The following RUSC2 variants were observed in gnomAD, a reference collection of about 807,000 sequenced individuals.
RUSC2 encodes the protein RUN and SH3 domain containing 2, also known as AP-4 complex accessory subunit RUSC2.
A neutral mutation model predicts 122.2 loss-of-function variants in RUSC2; 34 were observed. The observed-to-expected ratio is 0.28, with a 90% CI of 0.21 to 0.37. The LOEUF is 0.37. Among genes scored for constraint, RUSC2 ranks in the 10% least tolerant of loss-of-function variants. RUSC2 has a pLI of 1.00. For missense variants in RUSC2, 1,747 were observed against 1,952.4 expected, an observed-to-expected ratio of 0.89 and a Z score of 1.98; for synonymous variants, 784 against 790.0, an observed-to-expected ratio of 0.99 and a Z score of 0.13.
At position 35,558,341 on chromosome 9, in the gene RUSC2, T is replaced by C. The variant is rs1587870897; in HGVS notation, c.3205T>C (p.Trp1069Arg). Residue 1069 changes from tryptophan to arginine, a missense_variant, in exon 7 of 12, where the codon TGG (tryptophan) becomes CGG (arginine). Trp to Arg is a moderately radical substitution (Grantham distance 101, BLOSUM62 -3). Transcript: ENST00000361226. This position sits in a 1 kb window ranked among gnomAD's most constrained non-coding sequence, Gnocchi z 4.3. ...VIIGQRKNMP[W>R]SVVEASTQLG... is the part of the protein sequence containing the mutation. ...CATCGGGCAGCGTAAGAACATGCCA[T>C]GGAGTGTGGTTGAGGCTTCCACACA... The C allele has an allele frequency of 6.2e-7, 1 of 1,614,092 alleles. No individual in the cohort carries two copies. Among genetic ancestry groups the C allele is most frequent in the Non-Finnish European group, 8.5e-7 (1 of 1,179,988 alleles).
At chr9:35,513,391 TG>T in intron 1 of RUSC2, among the ~76,000 whole-genome samples, 1 of 151,914 alleles carries the variant, frequency 6.6e-6, no homozygotes, top group East Asian at 1.9e-4. Flanking sequence ...TACAGACACG[TG>T]CCACCATGCC....
At chr9:35,516,086 C>G (rs1821101668) in intron 1 of RUSC2, among the ~76,000 whole-genome samples, 1 of 146,310 alleles carries the variant, frequency 6.8e-6, no homozygotes, top group African/African-American at 2.5e-5. Context: ...TAAATAATTG[C>G]TAATAATATT....
intron 1 of RUSC2, among the ~76,000 whole-genome samples, chr9:35,534,839 T>A (rs984633391): frequency 7.2e-5 from 11 of 152,238 alleles, no homozygotes; most frequent in Non-Finnish European, 1.3e-4. Context: ...TAAGTGTTTT[T>A]AAATATATTC....
In RUSC2 at chr9:35,561,674, T is replaced by C. The variant is rs926260171; in HGVS notation, c.*292T>C. On this transcript the variant is annotated 3_prime_UTR_variant, in exon 12 of 12. Transcript: ENST00000361226. ...ATGGGTGAAGACAAGCAAGTCCCCC[T>C]GGAGGCGGGTGGCCCAGAAAGCCAT... 2.8e-5 allele frequency: 15 copies of C among 529,284 alleles called. No individual in the cohort carries two copies. Among genetic ancestry groups the C allele is most frequent in the Non-Finnish European group, 4.0e-5 (12 of 301,108 alleles). The allele number at this position is 529,284 out of a possible 1,614,324, so 32.8% of individuals were successfully genotyped here.
chr9:35,496,735 C>G (rs1361491269), intron 1 of RUSC2, among the ~76,000 whole-genome samples: 1 of 152,128 alleles, frequency 6.6e-6, no homozygotes, highest in Non-Finnish European at 1.5e-5. Context: ...TCCAGGAGTA[C>G]TCCTTCAACT....
At chr9:35,545,561 G>A (rs1187377660) in intron 1 of RUSC2, among the ~76,000 whole-genome samples, 1 of 152,232 alleles carries the variant, frequency 6.6e-6, no homozygotes. Flanking sequence ...GATCCCAGTA[G>A]TGAAGGTTCT....
rs753193939 is a variant in RUSC2 at position 35,560,911 on chromosome 9, CGGGCAGAGCCCATCCT to C, written c.4212-38_4212-23del. 24 of 1,595,270 alleles carry C rather than the reference CGGGCAGAGCCCATCCT, an allele frequency of 1.5e-5. No individual in the cohort carries two copies. The Admixed American group carries it at 2.8e-4, about 18-fold the overall frequency. ...AGGGAGCCTGCTGTAAGCCAGGGCA[CGGGCAGAGCCCATCCT>C]GGGCAGAGCCTGAGTCCAGCTGCTG... On this transcript the variant is annotated intron_variant, in intron 10 of 11. Coordinates refer to ENST00000361226, the MANE Select transcript of RUSC2 (RefSeq NM_014806.5).
chr9:35,535,416 G>A (rs1042450813), intron 1 of RUSC2, among the ~76,000 whole-genome samples: 17 of 145,232 alleles, frequency 1.2e-4, no homozygotes, highest in Admixed American at 5.0e-4. Context: ...GCTCCCGGCC[G>A]CCTAAGCTTC....
chr9:35,539,737 G>A (rs938837231), intron 1 of RUSC2, among the ~76,000 whole-genome samples: 2 of 152,118 alleles, frequency 1.3e-5, no homozygotes, highest in Non-Finnish European at 1.5e-5. Context: ...GTAATGCCTA[G>A]GGCACCTGAT....
intron 1 of RUSC2, among the ~76,000 whole-genome samples, chr9:35,511,078 A>G (rs1392629886): frequency 1.3e-5 from 2 of 152,164 alleles, no homozygotes; most frequent in Non-Finnish European, 2.9e-5. Flanking sequence ...GTCTCTTCAG[A>G]TGGAGTTGGA....
intron 1 of RUSC2, among the ~76,000 whole-genome samples, chr9:35,519,644 GC>G (rs1367859260): frequency 6.6e-6 from 1 of 152,128 alleles, no homozygotes; most frequent in African/African-American, 2.4e-5. Context: ...AAGAGATTTT[GC>G]CTGCCACTTC....
intron 2 of RUSC2, among the ~76,000 whole-genome samples, chr9:35,553,132 G>C (rs1347424603): frequency 6.6e-6 from 1 of 152,216 alleles, no homozygotes; most frequent in African/African-American, 2.4e-5. Context: ...GATGGACTGG[G>C]AAGAGTAGGG....
intron 1 of RUSC2, among the ~76,000 whole-genome samples, chr9:35,535,831 T>G (rs539189603): frequency 5.3e-4 from 81 of 152,154 alleles, no homozygotes; most frequent in Non-Finnish European, 9.6e-4. Flanking sequence ...TGAGCCACCG[T>G]GCCCGGCCAA....
In RUSC2 at chr9:35,547,963, A is replaced by T. The variant is rs1197749222; in HGVS notation, c.1442A>T (p.Tyr481Phe). The change falls in exon 2 of 12, where the codon TAC (tyrosine) becomes TTC (phenylalanine). Residue 481 changes from tyrosine to phenylalanine, a missense_variant. Coordinates refer to ENST00000361226, the MANE Select transcript of RUSC2 (RefSeq NM_014806.5). The surrounding 1 kb of genome is among the most constrained non-coding windows in gnomAD (Gnocchi z 4.6). ...VGPTVLEGQVYTNTSPPNLST... is the reference protein window; with the variant it reads ...VGPTVLEGQVFTNTSPPNLST... ...CCCACTGTGCTTGAGGGACAAGTAT[A>T]CACGAATACTTCACCCCCCAACCTC... 1.9e-6 allele frequency: 3 copies of T among 1,614,094 alleles called. No individual in the cohort carries two copies. The African/African-American group carries it at 4.0e-5, about 22-fold the overall frequency.
rs375918282 is a variant in RUSC2 at position 35,548,504 on chromosome 9, T to C, written c.1983T>C (p.His661=). The change falls in exon 2 of 12, where the codon CAT becomes CAC. Residue 661 remains histidine (H), a synonymous_variant. Transcript: ENST00000361226. This position sits in a 1 kb window ranked among gnomAD's most constrained non-coding sequence, Gnocchi z 4.5. ...TCCCAGGGAGCCCAGCCAACAGCCA[T>C]ACCCAGAGGGATGCAAGAGCTAGAG... ...PALPGSPANS[H]TQRDARARAD... 1 of 1,613,194 alleles carries C rather than the reference T, an allele frequency of 6.2e-7. No homozygotes were observed. Among genetic ancestry groups the C allele is most frequent in the Non-Finnish European group, 8.5e-7 (1 of 1,179,814 alleles).
In RUSC2 at chr9:35,528,386, T is replaced by TAA. The variant is rs541437245; in HGVS notation, c.-92-18033_-92-18032dup. Among the ~76,000 whole-genome samples the TAA allele has an allele frequency of 5.2e-3, 753 of 144,682 alleles. 4 individuals carry two copies. Among genetic ancestry groups the TAA allele is most frequent in the African/African-American group, 0.018 (713 of 39,692 alleles). The allele number at this position is 144,682 out of a possible 152,430, so 94.9% of individuals were successfully genotyped here. A position where few individuals can be genotyped will look rare whatever the true frequency, so the allele number is the denominator to read the frequency against. ...GTGACAGAGTGAGACCCTATTCCTT[T>TAA]AAAAAAAAAAAAGTATATATTATAC... On this transcript the variant is annotated intron_variant, in intron 1 of 11. Coordinates refer to ENST00000361226, the MANE Select transcript of RUSC2 (RefSeq NM_014806.5).
intron 1 of RUSC2, among the ~76,000 whole-genome samples, chr9:35,494,345 A>G (rs954045069): frequency 6.6e-6 from 1 of 152,014 alleles, no homozygotes; most frequent in African/African-American, 2.4e-5. Flanking sequence ...GCACACCTAT[A>G]ATCCCTGAGG....
chr9:35,522,095 C>T (rs969039957), intron 1 of RUSC2, among the ~76,000 whole-genome samples: 6 of 152,190 alleles, frequency 3.9e-5, no homozygotes, highest in African/African-American at 1.4e-4. Context: ...AAGTACTTGT[C>T]CTATAGGAAA....
At chr9:35,540,310 T>C (rs1821616629) in intron 1 of RUSC2, among the ~76,000 whole-genome samples, 1 of 152,186 alleles carries the variant, frequency 6.6e-6, no homozygotes, top group African/African-American at 2.4e-5. Context: ...CAAGGTGCAG[T>C]GAGCTATGAT....
Sources: allele counts gnomAD v4.1 joint callset (sites outside exome capture counted in the v4.1 genomes callset), GRCh38; gene constraint gnomAD v4.1.1; non-coding constraint Gnocchi (gnomAD v3.1); transcripts MANE v1.5; gene names NCBI Gene and HGNC (gene_info 2026-07-23, HGNC 2026-07-21).